MAD1L1: variants seen among roughly 807,000 people sequenced by gnomAD.
MAD1L1 encodes mitotic arrest deficient 1 like 1, also known as mitotic spindle assembly checkpoint protein MAD1.
In MAD1L1, 95 loss-of-function variants were observed where a neutral mutation model predicts 96.9. The observed-to-expected ratio is 0.98, with a 90% CI of 0.83 to 1.16. The LOEUF is 1.16. Among genes scored for constraint, MAD1L1 ranks in the 50% most tolerant of loss-of-function variants. MAD1L1 has a pLI of 0.00. For synonymous variants in MAD1L1, 473 were observed against 396.6 expected, an observed-to-expected ratio of 1.19 and a Z score of -2.29; for missense variants, 1,007 against 954.4, an observed-to-expected ratio of 1.06 and a Z score of -0.73.
intron 13 of MAD1L1, among the ~76,000 whole-genome samples, chr7:2,010,479 G>A (rs1382242461): frequency 6.6e-6 from 1 of 152,118 alleles, no homozygotes; most frequent in Non-Finnish European, 1.5e-5. Context: ...TTGAATCAAG[G>A]TGGCGTGCAC....
chr7:2,184,162 G>A (rs1791346056), intron 10 of MAD1L1, among the ~76,000 whole-genome samples: 1 of 152,064 alleles, frequency 6.6e-6, no homozygotes, highest in Non-Finnish European at 1.5e-5. Context: ...TGAGGCAGGA[G>A]AATGGCATGA....
chr7:2,085,794 C>T (rs771142348), intron 11 of MAD1L1, among the ~76,000 whole-genome samples: 3 of 152,160 alleles, frequency 2.0e-5, no homozygotes, highest in African/African-American at 4.8e-5. Context: ...CACGAGTGTT[C>T]GTGCAAACAT....
At chr7:1,873,828 C>T (rs899748405) in intron 18 of MAD1L1, among the ~76,000 whole-genome samples, 1 of 152,144 alleles carries the variant, frequency 6.6e-6, no homozygotes, top group Admixed American at 6.5e-5. Flanking sequence ...GCTTATCCTG[C>T]CTCCAGATGC....
chr7:2,156,557 C>T (rs990015621), intron 10 of MAD1L1, among the ~76,000 whole-genome samples: 6 of 152,310 alleles, frequency 3.9e-5, no homozygotes, highest in Non-Finnish European at 7.4e-5. Flanking sequence ...CAGTGGCTCA[C>T]GCCTATAATG....
intron 18 of MAD1L1, among the ~76,000 whole-genome samples, chr7:1,852,215 C>T (rs908860179): frequency 6.6e-6 from 1 of 152,212 alleles, no homozygotes; most frequent in Non-Finnish European, 1.5e-5. Flanking sequence ...GGGCGAGGAT[C>T]CTGCTGACCT....
chr7:2,204,433 G>A (rs1020142467), intron 10 of MAD1L1, among the ~76,000 whole-genome samples: 3 of 152,210 alleles, frequency 2.0e-5, no homozygotes, highest in African/African-American at 7.2e-5. Context: ...TTACGCCAAA[G>A]GGTATTTCTA....
intron 11 of MAD1L1, among the ~76,000 whole-genome samples, chr7:2,076,500 G>T (rs140481142): frequency 3.3e-5 from 5 of 152,190 alleles, no homozygotes; most frequent in African/African-American, 7.2e-5. Context: ...TCAGATCCCC[G>T]ACTATGGTAC....
intron 15 of MAD1L1, among the ~76,000 whole-genome samples, chr7:1,958,048 G>A (rs1458748514): frequency 1.3e-5 from 2 of 152,176 alleles, no homozygotes; most frequent in Admixed American, 6.5e-5. Context: ...GTCCGTGTCC[G>A]TCAGCCACTC....
intron 12 of MAD1L1, among the ~76,000 whole-genome samples, chr7:2,055,669 CAAAAAAAAA>C (rs35707803): frequency 5.5e-5 from 5 of 90,528 alleles, no homozygotes; most frequent in Non-Finnish European, 9.2e-5. Context: ...GACCCTGTCT[CAAAAAAAAA>C]AAAAAAAAAA....
chr7:2,016,160 C>T (rs1199232210), intron 12 of MAD1L1, among the ~76,000 whole-genome samples: 2 of 152,168 alleles, frequency 1.3e-5, no homozygotes, highest in Admixed American at 6.5e-5. Flanking sequence ...GCTCAAGAAG[C>T]GAGAGCCAGG....
Position 2,216,015 on chromosome 7 carries a change from A to G in MAD1L1, c.810-16T>C. Reference sequence around the variant, plus strand: ...TCTCATCTCCCTGGCAGTGCCACAAAGAGTCGCTCAAATAGCCACACACCC... The same window carrying G: ...TCTCATCTCCCTGGCAGTGCCACAAGGAGTCGCTCAAATAGCCACACACCC... On this transcript the variant is annotated splice_polypyrimidine_tract_variant and intron_variant, in intron 8 of 18. Coordinates refer to ENST00000265854, the MANE Select transcript of MAD1L1 (RefSeq NM_001013836.2). 6.2e-7 allele frequency: 1 copy of G among 1,613,592 alleles called. No homozygotes were observed. The highest frequency in any genetic ancestry group is 1.7e-4 in the Middle Eastern group (1 of 6,060).
At position 2,215,878 on chromosome 7, in the gene MAD1L1, C is replaced by A. The variant is rs762754357; in HGVS notation, c.924+7G>T. 17 of 1,613,654 alleles carry A rather than the reference C, an allele frequency of 1.1e-5. No individual in the cohort carries two copies. Among genetic ancestry groups the A allele is most frequent in the Non-Finnish European group, 1.4e-5 (16 of 1,179,672 alleles). Reference sequence around the variant, plus strand: ...CCACAGGAACCGCACACCACACAGGCCCTCACCTCGTTCTCCAGCTCCAAG... The same window carrying A: ...CCACAGGAACCGCACACCACACAGGACCTCACCTCGTTCTCCAGCTCCAAG... On this transcript the variant is annotated splice_region_variant and intron_variant, in intron 9 of 18. Transcript: ENST00000265854.
intron 11 of MAD1L1, among the ~76,000 whole-genome samples, chr7:2,069,758 T>G (rs1306067846): frequency 6.6e-6 from 1 of 152,052 alleles, no homozygotes; most frequent in Non-Finnish European, 1.5e-5. Context: ...TTCTGTGAGG[T>G]TGAAAGCCCA....
At chr7:1,828,817 G>A (rs570195293) in intron 18 of MAD1L1, among the ~76,000 whole-genome samples, 2 of 152,214 alleles carry the variant, frequency 1.3e-5, no homozygotes, top group Admixed American at 6.5e-5. Flanking sequence ...CGTCAGAAGC[G>A]GCAGATCACA....
At chr7:2,069,392 C>T in intron 11 of MAD1L1, 54 bp from the exon 12 acceptor site, 5 of 1,453,476 alleles carry the variant, frequency 3.4e-6, no homozygotes, top group South Asian at 1.4e-5. Flanking sequence ...GACCACCCCA[C>T]CAAGCCCCGC....
rs140830086 is a variant in MAD1L1, at chr7:1,928,883, G to A, written c.1807+7804C>T. Among the ~76,000 whole-genome samples the A allele has an allele frequency of 2.1e-4, 32 of 152,294 alleles. 1 individual carries two copies. The highest frequency in any genetic ancestry group is 3.8e-4 in the African/African-American group (16 of 41,560). On this transcript the variant is annotated intron_variant, in intron 17 of 18. Coordinates refer to ENST00000265854, the MANE Select transcript of MAD1L1 (RefSeq NM_001013836.2). ...CACAGTGCTTGTCCTGGTGGTCCAC[G>A]GAGCAGCCATTAGGGCACCTCACTG... is the stretch of plus-strand genomic sequence containing the variant.
chr7:2,043,649 C>A (rs1176326720), intron 12 of MAD1L1, among the ~76,000 whole-genome samples: 1 of 152,190 alleles, frequency 6.6e-6, no homozygotes, highest in African/African-American at 2.4e-5. Context: ...CCTGGGGGGG[C>A]TGGGGATCCA....
chr7:1,989,195 C>T (rs1010329744), intron 14 of MAD1L1, among the ~76,000 whole-genome samples: 6 of 152,180 alleles, frequency 3.9e-5, no homozygotes, highest in African/African-American at 2.4e-5. Flanking sequence ...GGAGCCACTC[C>T]ACACCCGCCA....
intron 17 of MAD1L1, among the ~76,000 whole-genome samples, chr7:1,926,616 T>C (rs980379609): frequency 5.9e-5 from 9 of 151,726 alleles, no homozygotes; most frequent in African/African-American, 1.9e-4. Flanking sequence ...ACACTAACGG[T>C]GTAAGGGAAA....
Sources: gnomAD v4.1 joint callset for allele counts (sites outside exome capture counted in the v4.1 genomes callset) on GRCh38, gnomAD v4.1.1 for gene constraint, MANE v1.5 for transcripts, NCBI Gene and HGNC (gene_info 2026-07-23, HGNC 2026-07-21) for gene names.